EEF1AKMT3: variants seen among roughly 807,000 people sequenced by gnomAD.
EEF1AKMT3 encodes eEF1A-KMT3.
Under a neutral mutation model 17.8 loss-of-function variants are expected in EEF1AKMT3, and 17 were observed. That is an observed-to-expected ratio of 0.96 (90% CI 0.65 to 1.43). The LOEUF is 1.43. EEF1AKMT3 is among the 40% of genes most tolerant of loss of function. The probability of loss-of-function intolerance (pLI) is 0.00; values close to 1 mark genes in which losing one functional copy is unlikely to be tolerated. For missense variants in EEF1AKMT3, 244 were observed against 285.8 expected (o/e 0.85, Z 1.06); for synonymous variants, 116 against 126.5 (o/e 0.92, Z 0.56).
chr12:57,774,695 G>T (rs747514464), intron 2 of EEF1AKMT3: 1 of 1,613,072 alleles, frequency 6.2e-7, no homozygotes, highest in East Asian at 2.2e-5. Flanking sequence ...CGAGGTATGC[G>T]TGGAGCCTGT....
chr12:57,774,201 C>G (rs1955465424), intron 2 of EEF1AKMT3, among the ~76,000 whole-genome samples: 2 of 152,212 alleles, frequency 1.3e-5, no homozygotes, highest in African/African-American at 4.8e-5. Flanking sequence ...GGAAGCCTAG[C>G]CGGGCGCAGT....
chr12:57,776,618 G>T (rs1311242241), intron 2 of EEF1AKMT3, among the ~76,000 whole-genome samples: 1 of 152,012 alleles, frequency 6.6e-6, no homozygotes, highest in Non-Finnish European at 1.5e-5. Context: ...ACCCTCACCT[G>T]ATGACTTTGT....
Position 57,778,586 on chromosome 12 carries a change from C to T in EEF1AKMT3, c.290-1669C>T, listed in dbSNP as rs116330488. ...AAGTGTAATCCAAAGGGATTACAGG[C>T]GTGAGCCACTGTGCCTGGCCCATCC... On this transcript the variant is annotated intron_variant, in intron 2 of 2. Coordinates refer to ENST00000300209, the MANE Select transcript of EEF1AKMT3 (RefSeq NM_015433.3). Among the ~76,000 whole-genome samples, 467 of 152,222 alleles carry T rather than the reference C, an allele frequency of 3.1e-3. 1 individual carries two copies. Among genetic ancestry groups the T allele is most frequent in the African/African-American group, 7.7e-3 (320 of 41,526 alleles).
chr12:57,780,494 T>C lies in EEF1AKMT3; in HGVS notation c.529T>C (p.Tyr177His), dbSNP rs572188252. ...QHLCRPHGTIYLASKMRKEHG... is the reference protein window; with the variant it reads ...QHLCRPHGTIHLASKMRKEHG... ...CCTGTGCAGGCCCCATGGCACCATCTATCTGGCCTCCAAGATGAGAAAGGA... is the reference window on the plus strand; with the variant it reads ...CCTGTGCAGGCCCCATGGCACCATCCATCTGGCCTCCAAGATGAGAAAGGA... The change falls in exon 3 of 3, where the codon TAT becomes CAT. Residue 177 changes from tyrosine (Y) to histidine (H), a missense_variant. By Grantham distance (83) the Tyr-to-His change is moderately conservative. Coordinates refer to ENST00000300209, the MANE Select transcript of EEF1AKMT3 (RefSeq NM_015433.3). 8 of 1,614,192 alleles carry C rather than the reference T, an allele frequency of 5.0e-6. No homozygotes were observed. In the South Asian group the frequency reaches 8.8e-5, roughly 18 times the overall value.
chr12:57,775,376 CT>C lies in EEF1AKMT3; in HGVS notation c.289+2264del, dbSNP rs199924829. ...CACCCAGTCCTATGAGTTAAATGTTCTTTTTTTTTTTTTTTTCCTTTTTGAG... is the reference window on the plus strand; with the variant it reads ...CACCCAGTCCTATGAGTTAAATGTTCTTTTTTTTTTTTTTTCCTTTTTGAG... On this transcript the variant is annotated intron_variant, in intron 2 of 2. Transcript: ENST00000300209. Among the ~76,000 whole-genome samples, 1,144 of 136,480 alleles carry C rather than the reference CT, an allele frequency of 8.4e-3. 5 individuals carry two copies. The highest frequency in any genetic ancestry group is 0.026 in the African/African-American group (960 of 37,008). 89.5% of individuals were successfully genotyped at this position (136,480 alleles called of 152,430 possible).
chr12:57,780,667 T>A lies in EEF1AKMT3; in HGVS notation c.*21T>A. On this transcript the variant is annotated 3_prime_UTR_variant, in exon 3 of 3. Transcript: ENST00000300209. The stretch of plus-strand genomic sequence containing the variant: ...CTTGACATCACCCTTGCTGTTCTTC[T>A]CAATCTCTTGCTCTAATGAAGGAAC... 1.2e-6 allele frequency: 2 copies of A among 1,601,596 alleles called. No individual in the cohort carries two copies. Among genetic ancestry groups the A allele is most frequent in the Non-Finnish European group, 1.7e-6 (2 of 1,179,670 alleles).
At chr12:57,776,213 G>C (rs935675132) in intron 2 of EEF1AKMT3, among the ~76,000 whole-genome samples, 2 of 152,158 alleles carry the variant, frequency 1.3e-5, no homozygotes, top group Non-Finnish European at 2.9e-5. Context: ...TTTCTCTCTT[G>C]TTTTTCTTGG....
At chr12:57,774,877 A>C in intron 2 of EEF1AKMT3, 1 of 981,458 alleles carries the variant, frequency 1.0e-6, no homozygotes, top group Middle Eastern at 3.3e-4. Flanking sequence ...AGGCCGAGGC[A>C]GGCGGATTAC....
intron 2 of EEF1AKMT3, among the ~76,000 whole-genome samples, chr12:57,773,918 C>G (rs1233117558): frequency 6.6e-6 from 1 of 152,068 alleles, no homozygotes; most frequent in Non-Finnish European, 1.5e-5. Context: ...GAGAAACAAG[C>G]TTATGAGTTT....
chr12:57,778,474 A>AT lies in EEF1AKMT3; in HGVS notation c.290-1775dup, dbSNP rs1412072797. ...GCCACCACACCCAGCTAATTTTTGTATTTTTTATAGAGACGAGGTTTTGCT... is the reference window on the plus strand; with the variant it reads ...GCCACCACACCCAGCTAATTTTTGTATTTTTTTATAGAGACGAGGTTTTGCT... On this transcript the variant is annotated intron_variant, in intron 2 of 2. Coordinates refer to ENST00000300209, the MANE Select transcript of EEF1AKMT3 (RefSeq NM_015433.3). Among the ~76,000 whole-genome samples, 11 of 149,188 alleles carry AT rather than the reference A, an allele frequency of 7.4e-5. No homozygotes were observed. The East Asian group carries it at 2.2e-3, about 30-fold the overall frequency.
chr12:57,773,264 A>T lies in EEF1AKMT3; in HGVS notation c.289+136A>T, dbSNP rs538646788. The T allele has an allele frequency of 9.0e-5, 76 of 840,978 alleles. No homozygotes were observed. In the South Asian group the frequency reaches 1.1e-3, roughly 12 times the overall value. The allele number at this position is 840,978 out of a possible 1,614,324, so 52.1% of individuals were successfully genotyped here. A position where few individuals can be genotyped will look rare whatever the true frequency, so the allele number is the denominator to read the frequency against. ...CTTCTTTTTAACAAATTTTTTTTTA[A>T]AATTTGTTTTTGTTTTTATTTTGGC... is the stretch of plus-strand genomic sequence containing the variant. On this transcript the variant is annotated intron_variant, in intron 2 of 2. Coordinates refer to ENST00000300209, the MANE Select transcript of EEF1AKMT3 (RefSeq NM_015433.3).
At chr12:57,779,162 C>G (rs1400707875) in intron 2 of EEF1AKMT3, among the ~76,000 whole-genome samples, 1 of 152,172 alleles carries the variant, frequency 6.6e-6, no homozygotes, top group Non-Finnish European at 1.5e-5. Context: ...CCTCTATGCC[C>G]TGGGGTCTCT....
intron 2 of EEF1AKMT3, 119 bp from the exon 3 acceptor site, chr12:57,780,136 G>A (rs1955503214): frequency 8.1e-7 from 1 of 1,236,862 alleles, no homozygotes; most frequent in Non-Finnish European, 1.1e-6. Context: ...GCCAGTGTGG[G>A]CTCTGGGCTG....
At chr12:57,775,507 G>A (rs546042897) in intron 2 of EEF1AKMT3, among the ~76,000 whole-genome samples, 4 of 151,466 alleles carry the variant, frequency 2.6e-5, no homozygotes, top group South Asian at 2.1e-4. Context: ...TCAGCCTCCC[G>A]AGTAGCTGGG....
chr12:57,774,982 G>A (rs746532843), intron 2 of EEF1AKMT3, among the ~76,000 whole-genome samples: 32 of 151,884 alleles, frequency 2.1e-4, no homozygotes, highest in Non-Finnish European at 2.5e-4. Flanking sequence ...GTGCATGCCT[G>A]TAATCCCAGC....
intron 2 of EEF1AKMT3, among the ~76,000 whole-genome samples, chr12:57,774,448 C>G (rs1016325906): frequency 2.6e-5 from 4 of 152,148 alleles, no homozygotes; most frequent in Admixed American, 6.5e-5. Flanking sequence ...CCATTGCACT[C>G]CAGCCTGGGC....
intron 2 of EEF1AKMT3, among the ~76,000 whole-genome samples, chr12:57,777,198 C>A (rs967685811): frequency 3.9e-5 from 6 of 152,088 alleles, no homozygotes; most frequent in Non-Finnish European, 7.4e-5. Context: ...CTCAGTTTTT[C>A]CTTTTCTTTG....
intron 2 of EEF1AKMT3, among the ~76,000 whole-genome samples, 165 bp from the exon 3 acceptor site, chr12:57,780,090 T>C (rs1227670213): frequency 2.0e-5 from 3 of 152,268 alleles, no homozygotes; most frequent in East Asian, 1.9e-4. Context: ...GTAATGAGAA[T>C]AGCAGTGGGT....
At chr12:57,774,855 C>T (rs547853586) in intron 2 of EEF1AKMT3, 44 of 1,321,270 alleles carry the variant, frequency 3.3e-5, no homozygotes, top group South Asian at 1.5e-4. Flanking sequence ...CCTATAATCC[C>T]GGCACTTTGG....
Sources: allele counts gnomAD v4.1 joint callset (sites outside exome capture counted in the v4.1 genomes callset), GRCh38; gene constraint gnomAD v4.1.1; transcripts MANE v1.5; gene names NCBI Gene and HGNC (gene_info 2026-07-23, HGNC 2026-07-21).